Variants in CELF2 observed in about 807,000 individuals in gnomAD.
CELF2 encodes the protein CUGBP Elav-like family member 2, also known as CUG triplet repeat RNA-binding protein 2.
In CELF2, 8 loss-of-function variants were observed where a neutral mutation model predicts 62.6. The ratio of observed to expected loss-of-function variants is 0.13; its 90% CI spans 0.07 to 0.23. The LOEUF (loss-of-function observed/expected upper bound fraction) is 0.23, where lower values mean the gene tolerates loss of function less well. Ranked by LOEUF, CELF2 falls within the 10% of genes least tolerant of loss-of-function variation. The pLI, the probability that CELF2 is intolerant of heterozygous loss-of-function variation, is 1.00. For synonymous variants in CELF2, 258 were observed against 250.0 expected, an observed-to-expected ratio of 1.03 and a Z score of -0.30; for missense variants, 333 against 671.0, an observed-to-expected ratio of 0.50 and a Z score of 5.56.
At chr10:10,695,740 G>A in the CELF2 span, among the ~76,000 whole-genome samples, 16 of 152,058 alleles carry the variant, frequency 1.1e-4, 1 homozygote, top group South Asian at 1.3e-3. Context: ...TTCCCATCTC[G>A]CTTCATTTCA....
chr10:10,721,075 T>G, the CELF2 span, among the ~76,000 whole-genome samples: 4 of 152,246 alleles, frequency 2.6e-5, no homozygotes, highest in Non-Finnish European at 5.9e-5. Flanking sequence ...TCGCACAGAT[T>G]GCAACTTCTG....
chr10:11,285,826 G>GGTGTATGT lies in CELF2; in HGVS notation c.842-2588_842-2587insATGTGTGT. 7.8e-6 allele frequency among the ~76,000 whole-genome samples: 1 copy of GGTGTATGT among 128,698 alleles called. No homozygotes were observed. Among genetic ancestry groups the GGTGTATGT allele is most frequent in the Non-Finnish European group, 1.6e-5 (1 of 61,518 alleles). The allele number at this position is 128,698 out of a possible 152,430, so 84.4% of individuals were successfully genotyped here. On this transcript the variant is annotated intron_variant, in intron 8 of 12. Coordinates refer to ENST00000633077, the MANE Select transcript of CELF2 (RefSeq NM_001326342.2). This position sits in a 1 kb window ranked among gnomAD's most constrained non-coding sequence, Gnocchi z 4.3. ...TTGCTCATCACCTACTATATATATT[G>GGTGTATGT]GTGTGTGTGTGTGTGTGTGTGTGTG... is the stretch of plus-strand genomic sequence containing the variant.
At chr10:10,978,685 A>T (rs1443789833) in intron 2 of CELF2, among the ~76,000 whole-genome samples, 4 of 152,246 alleles carry the variant, frequency 2.6e-5, no homozygotes, top group African/African-American at 9.6e-5. Flanking sequence ...TAAGGAATGG[A>T]TACGGAGAAG....
At chr10:11,068,827 TG>T (rs1358355105) in intron 1 of CELF2, among the ~76,000 whole-genome samples, 2 of 152,238 alleles carry the variant, frequency 1.3e-5, no homozygotes, top group Non-Finnish European at 2.9e-5. Context: ...CCCAAAGTGC[TG>T]GGATTACAGG....
the CELF2 span, among the ~76,000 whole-genome samples, chr10:10,752,615 G>A: frequency 4.7e-5 from 7 of 149,442 alleles, no homozygotes; most frequent in East Asian, 2.0e-4. Flanking sequence ...GCTTGAACCC[G>A]GGAGGTGGAG....
At chr10:11,004,972 T>C (rs556175687), upstream of CELF2, 1 of 865,270 alleles carries the variant, frequency 1.2e-6, no homozygotes, top group East Asian at 1.2e-4. The surrounding 1 kb of genome is among the most constrained non-coding windows in gnomAD (Gnocchi z 5.0). Context: ...GGGAAATTGG[T>C]TTTGCTATTA....
At position 11,066,239 on chromosome 10, in the gene CELF2, A is replaced by T. The variant is rs375298977; in HGVS notation, c.74+48076A>T. ...ATTCATCAGTTGTTTGATAACTACT[A>T]TTTTTTTTTCTTAAATTTCATCTCT... On this transcript the variant is annotated intron_variant, in intron 1 of 12. Coordinates refer to ENST00000633077, the MANE Select transcript of CELF2 (RefSeq NM_001326342.2). Among the ~76,000 whole-genome samples, 270 of 151,286 alleles carry T rather than the reference A, an allele frequency of 1.8e-3. 1 individual carries two copies. Among genetic ancestry groups the T allele is most frequent in the African/African-American group, 6.0e-3 (247 of 41,208 alleles).
Position 10,936,135 on chromosome 10 carries a change from C to G in CELF2, c.89+16136C>G, listed in dbSNP as rs1311072508. Among the ~76,000 whole-genome samples the G allele has an allele frequency of 1.3e-5, 2 of 151,878 alleles. No homozygotes were observed. The highest frequency in any genetic ancestry group is 1.3e-4 in the Admixed American group (2 of 15,250). On this transcript the variant is annotated intron_variant, in intron 2 of 13. Transcript: ENST00000636488. The surrounding 1 kb of genome is among the most constrained non-coding windows in gnomAD (Gnocchi z 4.0). ...CAAGATTGCACCACTGCACTCCAGC[C>G]TAGGTGACAGAGTGAGACTCCATCT...
At chr10:10,810,603 G>T (rs1335784491) in intron 1 of CELF2, among the ~76,000 whole-genome samples, 1 of 152,144 alleles carries the variant, frequency 6.6e-6, no homozygotes, top group Non-Finnish European at 1.5e-5. Context: ...GCCAGGGGCG[G>T]CTCTAAGGGG....
intron 2 of CELF2, among the ~76,000 whole-genome samples, chr10:11,189,056 A>G (rs1284597515): frequency 1.3e-5 from 2 of 152,112 alleles, no homozygotes; most frequent in South Asian, 4.1e-4. Context: ...CTTGTCTGCT[A>G]ATTCTAGCAT....
chr10:10,754,839 A>G, the CELF2 span, among the ~76,000 whole-genome samples: 1 of 152,234 alleles, frequency 6.6e-6, no homozygotes, highest in Non-Finnish European at 1.5e-5. Flanking sequence ...GCCTTAAGTA[A>G]TAACTCCTTC....
At chr10:11,020,300 A>AT (rs2058093909) in intron 1 of CELF2, among the ~76,000 whole-genome samples, 2 of 152,222 alleles carry the variant, frequency 1.3e-5, no homozygotes, top group South Asian at 4.1e-4. Flanking sequence ...GGATTTGTAA[A>AT]TGATAGTTTT....
rs377505156 is a variant in CELF2 at position 10,810,680 on chromosome 10, C to T, written c.53+11863C>T. 4.5e-4 allele frequency among the ~76,000 whole-genome samples: 69 copies of T among 152,144 alleles called. 1 individual carries two copies. In the East Asian group the frequency reaches 8.5e-3, roughly 19 times the overall value. On this transcript the variant is annotated intron_variant, in intron 1 of 13. Coordinates refer to the CELF2 transcript ENST00000636488. The stretch of plus-strand genomic sequence containing the variant: ...ACCGGCAGAAGGAGGAAGGAGGTAA[C>T]GGAAGGGAGAGGTCTTAGAGGAGCC...
chr10:10,672,958 T>G, the CELF2 span, among the ~76,000 whole-genome samples: 2 of 152,146 alleles, frequency 1.3e-5, no homozygotes, highest in East Asian at 3.8e-4. Context: ...TAATTATTAT[T>G]TGATTTCTTT....
At chr10:10,589,427 C>G in the CELF2 span, among the ~76,000 whole-genome samples, 1 of 152,226 alleles carries the variant, frequency 6.6e-6, no homozygotes, top group African/African-American at 2.4e-5. Context: ...CCCTTCCCAT[C>G]ATAGCCTCAG....
Position 10,857,652 on chromosome 10 carries a change from TA to T in CELF2, c.53+58836del, listed in dbSNP as rs1564727278. 1.1e-3 allele frequency among the ~76,000 whole-genome samples: 92 copies of T among 80,204 alleles called. No individual in the cohort carries two copies. The South Asian group carries it at 0.017, about 15-fold the overall frequency. 52.6% of individuals were successfully genotyped at this position (80,204 alleles called of 152,430 possible). A position where few individuals can be genotyped will look rare whatever the true frequency, so the allele number is the denominator to read the frequency against. On this transcript the variant is annotated intron_variant, in intron 1 of 13. Coordinates refer to the CELF2 transcript ENST00000636488. ...TGTGGTAAACTACATATATATAGTA[TA>T]TATATATATATATATATATATATAT...
chr10:11,111,258 G>C (rs2055084989), intron 1 of CELF2, among the ~76,000 whole-genome samples: 1 of 152,118 alleles, frequency 6.6e-6, no homozygotes, highest in African/African-American at 2.4e-5. Context: ...GATTAAAATA[G>C]GCAAATCGAC....
intron 1 of CELF2, among the ~76,000 whole-genome samples, chr10:11,128,578 G>T (rs1484183633): frequency 3.3e-5 from 5 of 152,098 alleles, no homozygotes; most frequent in Admixed American, 3.3e-4. Flanking sequence ...AGTTCTCCTT[G>T]AAGAGGTCCT....
intron 2 of CELF2, chr10:10,922,716 GTCGAA>G (rs1379635873): frequency 5.3e-5 from 8 of 152,254 alleles, no homozygotes; most frequent in African/African-American, 1.9e-4. Flanking sequence ...TTATTCTCAT[GTCGAA>G]TCATGTTGAA....
Sources: allele counts gnomAD v4.1 joint callset (sites outside exome capture counted in the v4.1 genomes callset), GRCh38; gene constraint gnomAD v4.1.1; non-coding constraint Gnocchi (gnomAD v3.1); transcripts MANE v1.5; gene names NCBI Gene and HGNC (gene_info 2026-07-23, HGNC 2026-07-21).